The following DOK6 variants were observed in gnomAD, a reference collection of about 807,000 sequenced individuals.
DOK6 encodes the protein downstream of tyrosine kinase 6.
DOK6 carries 22 observed loss-of-function variants against 44.0 expected under a neutral mutation model. The observed-to-expected ratio is 0.50, with a 90% CI of 0.36 to 0.71. The LOEUF (loss-of-function observed/expected upper bound fraction) is 0.71. Among genes scored for constraint, DOK6 ranks in the 30% least tolerant of loss-of-function variants. The pLI is 0.00. For missense variants in DOK6, 340 were observed against 416.4 expected, an observed-to-expected ratio of 0.82 and a Z score of 1.60; for synonymous variants, 166 against 145.5, an observed-to-expected ratio of 1.14 and a Z score of -1.01.
At chr18:69,660,495 A>G (rs1176312430) in intron 3 of DOK6, 1 of 152,086 alleles carries the variant, frequency 6.6e-6, no homozygotes, top group African/African-American at 2.4e-5. Context: ...TCTTAGCACA[A>G]TTACTAAAAT....
At chr18:69,696,080 C>T (rs1239065404) in intron 4 of DOK6, among the ~76,000 whole-genome samples, 2 of 152,030 alleles carry the variant, frequency 1.3e-5, no homozygotes, top group South Asian at 2.1e-4. Flanking sequence ...GAGACAGAGA[C>T]GGAGACAGAG....
intron 1 of DOK6, chr18:69,469,569 T>A (rs1980030510): frequency 5.6e-6 from 1 of 177,000 alleles, no homozygotes; most frequent in African/African-American, 2.4e-5. Context: ...TTACTCATCA[T>A]CTGCCGGAAA....
chr18:69,732,739 GA>G (rs1181393724), intron 5 of DOK6, among the ~76,000 whole-genome samples: 3 of 152,174 alleles, frequency 2.0e-5, no homozygotes, highest in African/African-American at 7.2e-5. Context: ...GTGTACCTTA[GA>G]TATGGTTTAT....
At chr18:69,649,228 C>G (rs1436360524) in intron 3 of DOK6, among the ~76,000 whole-genome samples, 2 of 152,142 alleles carry the variant, frequency 1.3e-5, no homozygotes, top group Non-Finnish European at 2.9e-5. Context: ...AAGAGGAAGG[C>G]TATATTCTAT....
intron 7 of DOK6, among the ~76,000 whole-genome samples, chr18:69,767,802 ATTC>A (rs1979765037): frequency 1.3e-5 from 2 of 152,204 alleles, no homozygotes; most frequent in South Asian, 2.1e-4. Context: ...TACTAATTGA[ATTC>A]TTCTGCATCA....
At chr18:69,478,231 A>G (rs1488631540) in intron 1 of DOK6, among the ~76,000 whole-genome samples, 1 of 152,176 alleles carries the variant, frequency 6.6e-6, no homozygotes, top group Non-Finnish European at 1.5e-5. Context: ...TTTCATGCAT[A>G]GTTTAAAAAT....
chr18:69,848,564 T>A lies in DOK6; in HGVS notation c.*7181T>A, dbSNP rs935773087. On this transcript the variant is annotated 3_prime_UTR_variant, in exon 8 of 8. Transcript: ENST00000382713. ...AGCAGAACAGAAAATATTATAATAA[T>A]GAGGCAATAATAAAATTAGGAAATT... 4 of 152,226 alleles carry A rather than the reference T, an allele frequency of 2.6e-5. No individual in the cohort carries two copies. Among genetic ancestry groups the A allele is most frequent in the Admixed American group, 2.0e-4 (3 of 15,282 alleles). 9.4% of individuals were successfully genotyped at this position (152,226 alleles called of 1,614,324 possible). A position where few individuals can be genotyped will look rare whatever the true frequency, so the allele number is the denominator to read the frequency against.
intron 3 of DOK6, among the ~76,000 whole-genome samples, chr18:69,606,228 C>T (rs1011937973): frequency 2.0e-5 from 3 of 151,448 alleles, no homozygotes; most frequent in Non-Finnish European, 2.9e-5. Context: ...GCTGAGATCA[C>T]GCCACTGCAC....
intron 3 of DOK6, among the ~76,000 whole-genome samples, chr18:69,627,750 C>T (rs981566567): frequency 6.6e-6 from 1 of 152,168 alleles, no homozygotes; most frequent in Non-Finnish European, 1.5e-5. Flanking sequence ...TGCCTGGCCT[C>T]ACCTTCCTAA....
intron 1 of DOK6, among the ~76,000 whole-genome samples, chr18:69,525,594 C>G (rs755668816): frequency 6.6e-6 from 1 of 152,020 alleles, no homozygotes; most frequent in Non-Finnish European, 1.5e-5. Context: ...TGTACTACTA[C>G]ACTTGCCATT....
chr18:69,570,154 CT>C (rs1426518040), intron 2 of DOK6, among the ~76,000 whole-genome samples: 2 of 151,812 alleles, frequency 1.3e-5, no homozygotes. Context: ...ACAAGTTTAC[CT>C]ATATAGCAAA....
intron 2 of DOK6, among the ~76,000 whole-genome samples, chr18:69,589,633 G>A (rs891496180): frequency 6.6e-6 from 1 of 152,078 alleles, no homozygotes; most frequent in Non-Finnish European, 1.5e-5. Flanking sequence ...GCCTATTTAT[G>A]TATGTAGTAA....
intron 2 of DOK6, among the ~76,000 whole-genome samples, chr18:69,596,243 T>C (rs1288614851): frequency 2.0e-5 from 3 of 152,114 alleles, no homozygotes; most frequent in Non-Finnish European, 4.4e-5. Context: ...TGTGAAGTAA[T>C]ATATGCCCCC....
intron 7 of DOK6, among the ~76,000 whole-genome samples, chr18:69,817,153 A>G (rs1010184177): frequency 5.9e-5 from 9 of 152,236 alleles, no homozygotes; most frequent in African/African-American, 2.2e-4. Flanking sequence ...TTTCTTTCTT[A>G]TTCTTTCATA....
intron 1 of DOK6, among the ~76,000 whole-genome samples, chr18:69,457,980 T>C (rs1599140696): frequency 6.6e-6 from 1 of 152,088 alleles, no homozygotes; most frequent in East Asian, 1.9e-4. Flanking sequence ...CTGTCTCTAC[T>C]AAAAATACAA....
intron 7 of DOK6, among the ~76,000 whole-genome samples, chr18:69,809,227 A>G (rs894364466): frequency 1.3e-5 from 2 of 151,892 alleles, no homozygotes; most frequent in Non-Finnish European, 2.9e-5. Context: ...AGAATGCAGA[A>G]AAAGCATTGG....
intron 3 of DOK6, among the ~76,000 whole-genome samples, chr18:69,631,551 G>A (rs990056687): frequency 3.3e-5 from 5 of 152,072 alleles, no homozygotes; most frequent in African/African-American, 2.4e-5. Flanking sequence ...CAGACTAATC[G>A]ATCTAACCTC....
In DOK6 at chr18:69,588,069, A is replaced by G. The variant is rs1023534022; in HGVS notation, c.175-11315A>G. On this transcript the variant is annotated intron_variant, in intron 2 of 7. Transcript: ENST00000382713. ...TCACATGACTTTCAGAATAATGGCT[A>G]TTGCATGAATTGGTGGAAAAAGTGT... 2.0e-5 allele frequency among the ~76,000 whole-genome samples: 3 copies of G among 152,188 alleles called. No individual in the cohort carries two copies. In the East Asian group the frequency reaches 5.8e-4, roughly 29 times the overall value.
At chr18:69,721,344 G>T (rs1978288462) in intron 5 of DOK6, 1 of 152,154 alleles carries the variant, frequency 6.6e-6, no homozygotes, top group Non-Finnish European at 1.5e-5. Flanking sequence ...TTTTATTCTG[G>T]CTTATTCCCT....
Sources: gnomAD v4.1 joint callset for allele counts (sites outside exome capture counted in the v4.1 genomes callset) on GRCh38, gnomAD v4.1.1 for gene constraint, MANE v1.5 for transcripts, NCBI Gene and HGNC (gene_info 2026-07-23, HGNC 2026-07-21) for gene names.